Variants in HECW2 observed in about 807,000 individuals in gnomAD.
HECW2 encodes E3 ubiquitin-protein ligase HECW2.
A neutral mutation model predicts 175.2 loss-of-function variants in HECW2; 61 were observed. The observed-to-expected ratio is 0.35, with a 90% confidence interval of 0.28 to 0.43. HECW2 has a LOEUF of 0.43. HECW2 is among the 20% of genes least tolerant of loss of function. HECW2 has a pLI of 1.00. For synonymous variants in HECW2, 671 were observed against 731.0 expected (o/e 0.92, Z 1.32); for missense variants, 1,524 against 2,000.5 (o/e 0.76, Z 4.54).
chr2:196,331,426 T>A (rs572592658), intron 4 of HECW2: 1 of 326,586 alleles, frequency 3.1e-6, no homozygotes, highest in Non-Finnish European at 4.4e-6. Context: ...ATTCCTTCTG[T>A]GCCTGGGCAC....
chr2:196,334,878 C>T (rs1692495375), intron 3 of HECW2, among the ~76,000 whole-genome samples: 2 of 152,172 alleles, frequency 1.3e-5, no homozygotes, highest in Non-Finnish European at 2.9e-5. Context: ...CCTTGGGAGG[C>T]AGAAATTCCT....
intron 1 of HECW2, among the ~76,000 whole-genome samples, chr2:196,508,940 C>T (rs568876161): frequency 7.1e-4 from 108 of 152,202 alleles, no homozygotes; most frequent in Non-Finnish European, 1.0e-3. Context: ...TGGTGGTGGG[C>T]GCCTGTAGTC....
Position 196,280,769 on chromosome 2 carries a change from A to G in HECW2, c.3001-2107T>C, listed in dbSNP as rs73044224. The stretch of plus-strand genomic sequence containing the variant: ...CCATTTGGTTTGTGCTTCTAATACA[A>G]TTGTCCACTATTTCTGCCACTACTC... On this transcript the variant is annotated intron_variant, in intron 14 of 28. Coordinates refer to ENST00000644978, the MANE Select transcript of HECW2 (RefSeq NM_001348768.2). 9.6e-3 allele frequency among the ~76,000 whole-genome samples: 1,467 copies of G among 152,272 alleles called. 20 individuals are homozygous for G. Among genetic ancestry groups the G allele is most frequent in the African/African-American group, 0.034 (1,406 of 41,538 alleles).
intron 24 of HECW2, among the ~76,000 whole-genome samples, 163 bp from the exon 25 acceptor site, chr2:196,221,104 A>G (rs1249654334): frequency 6.6e-6 from 1 of 152,138 alleles, no homozygotes; most frequent in Non-Finnish European, 1.5e-5. Context: ...GAGCACACAC[A>G]CTCAGGAAAA....
intron 1 of HECW2, among the ~76,000 whole-genome samples, chr2:196,506,774 C>A (rs1038182400): frequency 6.6e-6 from 1 of 152,034 alleles, no homozygotes; most frequent in African/African-American, 2.4e-5. Context: ...ATAACTATTA[C>A]AATTTTTAAA....
intron 2 of HECW2, among the ~76,000 whole-genome samples, chr2:196,376,002 T>A (rs1307573643): frequency 6.6e-6 from 1 of 152,244 alleles, no homozygotes; most frequent in East Asian, 1.9e-4. Flanking sequence ...ATTCCCTCTA[T>A]CAGTCTACGT....
chr2:196,487,512 G>A (rs1004668829), intron 1 of HECW2, among the ~76,000 whole-genome samples: 5 of 152,058 alleles, frequency 3.3e-5, no homozygotes, highest in Admixed American at 3.3e-4. Context: ...GTTCCAATGT[G>A]CTGATGTTGA....
At chr2:196,492,386 A>G (rs1687231726) in intron 1 of HECW2, among the ~76,000 whole-genome samples, 1 of 152,190 alleles carries the variant, frequency 6.6e-6, no homozygotes, top group Non-Finnish European at 1.5e-5. Context: ...CTCCAATGTA[A>G]GTTACTCCCA....
intron 19 of HECW2, among the ~76,000 whole-genome samples, chr2:196,246,864 G>A (rs966385259): frequency 2.0e-5 from 3 of 152,124 alleles, no homozygotes; most frequent in Non-Finnish European, 4.4e-5. Flanking sequence ...TAGGTAAAGG[G>A]ATTTAATTAT....
At chr2:196,446,992 C>G (rs1178768127) in intron 1 of HECW2, among the ~76,000 whole-genome samples, 1 of 152,126 alleles carries the variant, frequency 6.6e-6, no homozygotes, top group African/African-American at 2.4e-5. Context: ...TAATAATAAA[C>G]TACTCAATTT....
intron 2 of HECW2, among the ~76,000 whole-genome samples, chr2:196,429,819 A>G (rs145666611): frequency 6.6e-6 from 1 of 152,278 alleles, no homozygotes; most frequent in Non-Finnish European, 1.5e-5. Flanking sequence ...AGGGCCCTGG[A>G]AAGAAAAGAG....
chr2:196,499,623 T>A (rs1285160619), intron 1 of HECW2, among the ~76,000 whole-genome samples: 2 of 152,204 alleles, frequency 1.3e-5, no homozygotes, highest in Non-Finnish European at 2.9e-5. Flanking sequence ...CTAGCCTTCT[T>A]AAAGGCAAAC....
intron 1 of HECW2, among the ~76,000 whole-genome samples, chr2:196,461,792 T>C (rs1380442333): frequency 2.6e-5 from 4 of 152,038 alleles, no homozygotes; most frequent in South Asian, 2.1e-4. Flanking sequence ...GAGAACAGCA[T>C]GGGGGAACCA....
At chr2:196,571,429 C>A (rs981861622) in intron 1 of HECW2, among the ~76,000 whole-genome samples, 1 of 152,092 alleles carries the variant, frequency 6.6e-6, no homozygotes, top group African/African-American at 2.4e-5. Flanking sequence ...CAAGTTGAGG[C>A]TGGGCGCAGT....
In HECW2 at chr2:196,450,965, C is replaced by T. The variant is rs140267634; in HGVS notation, c.-35-17507G>A. On this transcript the variant is annotated intron_variant, in intron 1 of 28. Transcript: ENST00000644978. ...AAATTTAAAATGAACCAAAAGTCAACCGAGAGATTTGCCTAAGAATTTTTA... is the reference window on the plus strand; with the variant it reads ...AAATTTAAAATGAACCAAAAGTCAATCGAGAGATTTGCCTAAGAATTTTTA... Among the ~76,000 whole-genome samples, 640 of 151,986 alleles carry T rather than the reference C, an allele frequency of 4.2e-3. 5 individuals carry two copies. Among genetic ancestry groups the T allele is most frequent in the African/African-American group, 0.015 (611 of 41,424 alleles).
At chr2:196,502,654 G>A (rs541231226) in intron 1 of HECW2, among the ~76,000 whole-genome samples, 239 of 152,292 alleles carry the variant, frequency 1.6e-3, no homozygotes, top group Non-Finnish European at 2.6e-3. Flanking sequence ...CAGATCCCAT[G>A]ACTGTTCCTT....
At position 196,343,744 on chromosome 2, in the gene HECW2, A is replaced by C. The variant is rs763621241; in HGVS notation, c.313T>G (p.Phe105Val). 1 of 1,613,036 alleles carries C rather than the reference A, an allele frequency of 6.2e-7. No homozygotes were observed. The highest frequency in any genetic ancestry group is 1.1e-5 in the South Asian group (1 of 91,040). ...YHIDENSPAN[F>V]WDSKNRGVTG... Reference sequence around the variant, plus strand: ...ACACCCCTGTTCTTAGAATCCCAGAAGTTGGCTGGAGAATTCTCATCTAGA... The same window carrying C: ...ACACCCCTGTTCTTAGAATCCCAGACGTTGGCTGGAGAATTCTCATCTAGA... Residue 105 changes from phenylalanine (F) to valine (V), a missense_variant, in exon 3 of 29, where the codon TTC (phenylalanine) becomes GTC (valine). Physicochemically the swap from Phe to Val is conservative, Grantham distance 50. Around this residue, in one of 11 missense-constraint regions of HECW2, gnomAD observed 135 missense variants for 214.6 expected, o/e 0.63. Transcript: ENST00000644978.
At position 196,319,755 on chromosome 2, in the gene HECW2, C is replaced by T. The variant is rs996863763; in HGVS notation, c.1135G>A (p.Asp379Asn). 5.6e-6 allele frequency: 9 copies of T among 1,614,138 alleles called. No individual in the cohort carries two copies. In the Middle Eastern group the frequency reaches 6.6e-4, roughly 118 times the overall value. ...NGPVSEDSAA[D>N]GTPKHSFRTS... is the part of the protein sequence containing the mutation. Reference sequence around the variant, plus strand: ...CTGAATGAATGCTTGGGGGTTCCATCGGCAGCACTGTCCTCAGAAACTGGC... The same window carrying T: ...CTGAATGAATGCTTGGGGGTTCCATTGGCAGCACTGTCCTCAGAAACTGGC... Residue 379 changes from aspartate to asparagine, a missense_variant, in exon 9 of 29, where the codon GAT becomes AAT. Physicochemically the swap from Asp to Asn is conservative, Grantham distance 23 (BLOSUM62 1). Around this residue, in one of 11 missense-constraint regions of HECW2, gnomAD observed 604 missense variants for 588.3 expected, o/e 1.03. Transcript: ENST00000644978.
At chr2:196,459,507 A>G (rs1028122536) in intron 1 of HECW2, among the ~76,000 whole-genome samples, 1 of 152,010 alleles carries the variant, frequency 6.6e-6, no homozygotes, top group Admixed American at 6.6e-5. Flanking sequence ...AGGGGACCCC[A>G]GAAATCCTTG....
Sources: allele counts gnomAD v4.1 joint callset (sites outside exome capture counted in the v4.1 genomes callset), GRCh38; gene constraint gnomAD v4.1.1; regional missense constraint gnomAD v4.1.1; transcripts MANE v1.5; gene names NCBI Gene and HGNC (gene_info 2026-07-23, HGNC 2026-07-21).